Variants in LOXHD1 observed in about 807,000 individuals in gnomAD.
LOXHD1 encodes lipoxygenase homology domain-containing protein 1.
A neutral mutation model predicts 248.2 loss-of-function variants in LOXHD1; 205 were observed. The ratio of observed to expected loss-of-function variants is 0.83; its 90% CI spans 0.74 to 0.93. The LOEUF is 0.93. LOXHD1 is among the 40% of genes least tolerant of loss of function. The pLI is 0.00. For missense variants in LOXHD1, 2,930 were observed against 2,971.6 expected (o/e 0.99, Z 0.33); for synonymous variants, 1,113 against 1,162.8 (o/e 0.96, Z 0.87).
At chr18:46,596,673 G>T (rs1205832935) in intron 8 of LOXHD1, among the ~76,000 whole-genome samples, 1 of 152,158 alleles carries the variant, frequency 6.6e-6, no homozygotes, top group Non-Finnish European at 1.5e-5. Flanking sequence ...CCATAAGCTT[G>T]GTCATAGTCA....
chr18:46,492,494 A>C (rs1439053359), intron 37 of LOXHD1, among the ~76,000 whole-genome samples: 1 of 152,214 alleles, frequency 6.6e-6, no homozygotes, highest in Non-Finnish European at 1.5e-5. Flanking sequence ...GAACTCGCTC[A>C]CTATCACAAG....
chr18:46,611,509 A>T (rs2144313392), intron 5 of LOXHD1, among the ~76,000 whole-genome samples: 1 of 152,352 alleles, frequency 6.6e-6, no homozygotes, highest in Middle Eastern at 3.4e-3. Context: ...GGTTATAAGC[A>T]CTTAGTTAGG....
chr18:46,593,028 T>G (rs561003310), intron 10 of LOXHD1, among the ~76,000 whole-genome samples: 2 of 152,156 alleles, frequency 1.3e-5, no homozygotes, highest in South Asian at 2.1e-4. Flanking sequence ...AAAAGATAAA[T>G]ATATAAAGAG....
intron 18 of LOXHD1, 63 bp from the exon 19 acceptor site, chr18:46,560,608 C>T (rs1419388703): frequency 8.5e-6 from 12 of 1,410,758 alleles, no homozygotes; most frequent in African/African-American, 1.4e-5. Context: ...CCCCCAACAC[C>T]CCCGCCCAAC....
intron 4 of LOXHD1, among the ~76,000 whole-genome samples, chr18:46,628,315 G>A (rs889032457): frequency 6.6e-6 from 1 of 152,198 alleles, no homozygotes; most frequent in Non-Finnish European, 1.5e-5. Flanking sequence ...CAGATGGGGT[G>A]GGCGGGGAGC....
chr18:46,559,243 G>C (rs1200379311), intron 20 of LOXHD1: 21 of 1,512,002 alleles, frequency 1.4e-5, no homozygotes, highest in Non-Finnish European at 1.9e-5. Flanking sequence ...ATGGGCTCTA[G>C]GTGCTGGGGC....
chr18:46,577,982 C>T (rs2037892117), intron 13 of LOXHD1, 115 bp from the exon 14 acceptor site: 1 of 1,082,844 alleles, frequency 9.2e-7, no homozygotes, highest in Admixed American at 2.0e-5. Flanking sequence ...TTAGGCAACT[C>T]CTCTTTCACA....
At chr18:46,583,714 G>GGGAACACTT (rs1351577068) in intron 12 of LOXHD1, among the ~76,000 whole-genome samples, 1 of 152,106 alleles carries the variant, frequency 6.6e-6, no homozygotes, top group Non-Finnish European at 1.5e-5. Context: ...GCAGAGAAAA[G>GGGAACACTT]GGAACACTTG....
At chr18:46,637,669 G>T (rs1294642144) in intron 4 of LOXHD1, among the ~76,000 whole-genome samples, 1 of 151,850 alleles carries the variant, frequency 6.6e-6, no homozygotes, top group African/African-American at 2.4e-5. Context: ...ATAAATGTAT[G>T]AAAAAAGTTC....
At chr18:46,538,540 T>G (rs1598948977) in intron 25 of LOXHD1, among the ~76,000 whole-genome samples, 1 of 152,006 alleles carries the variant, frequency 6.6e-6, no homozygotes, top group Admixed American at 6.6e-5. Flanking sequence ...CCCGCCCCCA[T>G]GGAAAACCCT....
At chr18:46,619,140 A>G (rs1200344819) in intron 4 of LOXHD1, among the ~76,000 whole-genome samples, 1 of 152,210 alleles carries the variant, frequency 6.6e-6, no homozygotes, top group Non-Finnish European at 1.5e-5. Context: ...ACTGGGTGCC[A>G]ACAATTCCAA....
downstream of LOXHD1, chr18:46,477,010 A>G (rs1214553438): frequency 3.3e-6 from 2 of 604,038 alleles, no homozygotes; most frequent in Non-Finnish European, 5.9e-6. Flanking sequence ...GGGGAAAAGT[A>G]TACACTTCTT....
chr18:46,483,376 C>T (rs1005508001), intron 40 of LOXHD1, among the ~76,000 whole-genome samples: 8 of 152,322 alleles, frequency 5.3e-5, no homozygotes, highest in African/African-American at 1.9e-4. Flanking sequence ...CTGGCCTACT[C>T]CCCTGCCTCT....
intron 40 of LOXHD1, among the ~76,000 whole-genome samples, chr18:46,478,555 A>T (rs1383734380): frequency 2.6e-5 from 4 of 152,186 alleles, no homozygotes; most frequent in Non-Finnish European, 5.9e-5. Flanking sequence ...AAGCCCAAGT[A>T]TGTCCTTCCC....
chr18:46,544,816 A>G (rs979735303), intron 23 of LOXHD1: 8 of 471,310 alleles, frequency 1.7e-5, no homozygotes, highest in Admixed American at 7.0e-5. Context: ...TTATTCTTCA[A>G]TAATGCTTGG....
intron 21 of LOXHD1, among the ~76,000 whole-genome samples, chr18:46,547,879 G>T (rs142080253): frequency 1.3e-5 from 2 of 152,158 alleles, no homozygotes; most frequent in Admixed American, 1.3e-4. Flanking sequence ...TTTGAGTCAT[G>T]CTTATACAAA....
intron 35 of LOXHD1, among the ~76,000 whole-genome samples, chr18:46,508,313 T>C (rs2034716891): frequency 6.6e-6 from 1 of 152,190 alleles, no homozygotes; most frequent in Non-Finnish European, 1.5e-5. Flanking sequence ...TCCCTCAGAA[T>C]GTGACCTTAT....
chr18:46,610,705 A>G (rs2038494132), intron 6 of LOXHD1, 71 bp downstream of exon 6: 1 of 1,467,636 alleles, frequency 6.8e-7, no homozygotes. Flanking sequence ...GGACTGAGAT[A>G]CAACCCTCTG....
intron 17 of LOXHD1, among the ~76,000 whole-genome samples, chr18:46,564,362 AAAAAT>A (rs2144045517): frequency 6.6e-6 from 1 of 152,196 alleles, no homozygotes; most frequent in East Asian, 1.9e-4. Context: ...CCATCTCTAC[AAAAAT>A]AAAATAAAAA....
Sources: gnomAD v4.1 joint callset for allele counts (sites outside exome capture counted in the v4.1 genomes callset) on GRCh38, gnomAD v4.1.1 for gene constraint, MANE v1.5 for transcripts, NCBI Gene and HGNC (gene_info 2026-07-23, HGNC 2026-07-21) for gene names.